The following ADCY2 variants were observed in gnomAD, a reference collection of about 807,000 sequenced individuals.
ADCY2 encodes the protein adenylate cyclase 2.
In ADCY2, 31 loss-of-function variants were observed where a neutral mutation model predicts 125.2. The observed-to-expected ratio is 0.25, with a 90% CI of 0.19 to 0.33. The LOEUF (loss-of-function observed/expected upper bound fraction) is 0.33. Among genes scored for constraint, ADCY2 ranks in the 10% least tolerant of loss-of-function variants. The probability of loss-of-function intolerance (pLI) is 1.00; values close to 1 mark genes in which losing one functional copy is unlikely to be tolerated. For missense variants in ADCY2, 904 were observed against 1,418.2 expected (o/e 0.64, Z 5.82); for synonymous variants, 512 against 548.4 (o/e 0.93, Z 0.93).
In ADCY2 at chr5:7,520,358, C is replaced by T. The variant is rs541814829; in HGVS notation, c.409-380C>T. On this transcript the variant is annotated intron_variant, in intron 2 of 24. Coordinates refer to ENST00000338316, the MANE Select transcript of ADCY2 (RefSeq NM_020546.3). ...TCTCCACCCTGTCCACCCCCGTCCCCGATGATGCCTGTCCCTCCTCTGTGG... is the reference window on the plus strand; with the variant it reads ...TCTCCACCCTGTCCACCCCCGTCCCTGATGATGCCTGTCCCTCCTCTGTGG... Among the ~76,000 whole-genome samples the T allele has an allele frequency of 7.2e-5, 11 of 152,260 alleles. 1 individual carries two copies. The East Asian group carries it at 9.7e-4, about 13-fold the overall frequency.
chr5:7,399,072 C>G (rs998650913), intron 1 of ADCY2, among the ~76,000 whole-genome samples: 23 of 152,338 alleles, frequency 1.5e-4, no homozygotes, highest in African/African-American at 4.8e-4. Flanking sequence ...CTTTGGGACC[C>G]TGCCAAGGTT....
chr5:7,713,473 G>A (rs1362347828), intron 11 of ADCY2, among the ~76,000 whole-genome samples: 1 of 149,174 alleles, frequency 6.7e-6, no homozygotes, highest in Non-Finnish European at 1.5e-5. Flanking sequence ...TAGCCTGGTC[G>A]ACAGAGTGAA....
chr5:7,443,556 C>T (rs909743336), intron 2 of ADCY2, among the ~76,000 whole-genome samples: 5 of 131,088 alleles, frequency 3.8e-5, no homozygotes, highest in African/African-American at 1.2e-4. Context: ...AGGAGAATGG[C>T]GTGAACCCAG....
chr5:7,425,476 C>T (rs1309407555), intron 2 of ADCY2, among the ~76,000 whole-genome samples: 1 of 152,210 alleles, frequency 6.6e-6, no homozygotes, highest in African/African-American at 2.4e-5. Flanking sequence ...TATATGTACC[C>T]ATGCAGGCAT....
At chr5:7,445,539 T>C (rs1252547001) in intron 2 of ADCY2, among the ~76,000 whole-genome samples, 1 of 152,222 alleles carries the variant, frequency 6.6e-6, no homozygotes, top group Non-Finnish European at 1.5e-5. Flanking sequence ...GATGTTTTTA[T>C]GGGGATTGCA....
chr5:7,823,993 C>T (rs955316250), intron 24 of ADCY2, among the ~76,000 whole-genome samples: 1 of 152,128 alleles, frequency 6.6e-6, no homozygotes, highest in African/African-American at 2.4e-5. Flanking sequence ...GTTTGTAGAC[C>T]TGTGTTTGCT....
intron 22 of ADCY2, among the ~76,000 whole-genome samples, chr5:7,812,117 C>A (rs1744962600): frequency 6.6e-6 from 1 of 152,160 alleles, no homozygotes; most frequent in Admixed American, 6.5e-5. Flanking sequence ...GAGACCGTCC[C>A]TGCCAGTGTC....
intron 2 of ADCY2, among the ~76,000 whole-genome samples, chr5:7,421,981 CAG>C (rs1223106022): frequency 2.6e-5 from 4 of 152,098 alleles, no homozygotes; most frequent in African/African-American, 7.2e-5. Flanking sequence ...TGTAAATAAA[CAG>C]AGTGCTGTCA....
chr5:7,396,423 C>T lies in ADCY2; in HGVS notation c.127C>T (p.Gln43Ter). Residue 43 changes from glutamine (Q) to a stop codon, truncating the protein, a stop_gained, in exon 1 of 25, where the codon CAG becomes TAG. Transcript: ENST00000338316. LOFTEE classifies it high-confidence loss of function. The surrounding 1 kb of genome is among the most constrained non-coding windows in gnomAD (Gnocchi z 5.7). ...CGAGTCCTACTACTGCATGAGCCAG[C>T]AGCACCCGCTCATCGTCTTCCTGCT... ...LYESYYCMSQ[Q>*]HPLIVFLLLI... 1.3e-6 allele frequency: 2 copies of T among 1,580,874 alleles called. No homozygotes were observed. Among genetic ancestry groups the T allele is most frequent in the African/African-American group, 1.4e-5 (1 of 72,098 alleles).
chr5:7,445,633 A>G (rs1214377437), intron 2 of ADCY2, among the ~76,000 whole-genome samples: 1 of 152,248 alleles, frequency 6.6e-6, no homozygotes, highest in Non-Finnish European at 1.5e-5. Flanking sequence ...ATGCATGTCT[A>G]CATGAATCAT....
intron 2 of ADCY2, among the ~76,000 whole-genome samples, chr5:7,505,022 C>T (rs372321718): frequency 4.0e-5 from 6 of 151,848 alleles, no homozygotes; most frequent in African/African-American, 1.4e-4. Flanking sequence ...GGACCACAGG[C>T]GCACACCACC....
In ADCY2 at chr5:7,468,047, G is replaced by A. The variant is rs115475079; in HGVS notation, c.409-52691G>A. ...TTAAATATTATAAAAATATCCATGC[G>A]TGATCTGTGTGTGGTATTGATTATA... is the stretch of plus-strand genomic sequence containing the variant. On this transcript the variant is annotated intron_variant, in intron 2 of 24. Transcript: ENST00000338316. Among the ~76,000 whole-genome samples the A allele has an allele frequency of 2.0e-3, 308 of 152,312 alleles. 2 individuals are homozygous for A. The highest frequency in any genetic ancestry group is 6.4e-3 in the African/African-American group (267 of 41,570).
intron 14 of ADCY2, among the ~76,000 whole-genome samples, chr5:7,734,061 T>C (rs935526958): frequency 6.6e-6 from 1 of 152,224 alleles, no homozygotes; most frequent in Non-Finnish European, 1.5e-5. Flanking sequence ...GGAATTTTTA[T>C]TTCATGCTAA....
At chr5:7,468,037 A>G (rs1742189797) in intron 2 of ADCY2, among the ~76,000 whole-genome samples, 1 of 152,248 alleles carries the variant, frequency 6.6e-6, no homozygotes, top group Non-Finnish European at 1.5e-5. Context: ...TATTATAAAA[A>G]TATCCATGCG....
At chr5:7,422,553 C>T (rs1054591013) in intron 2 of ADCY2, among the ~76,000 whole-genome samples, 1 of 152,304 alleles carries the variant, frequency 6.6e-6, no homozygotes, top group Middle Eastern at 3.4e-3. Flanking sequence ...CTGCATTTCT[C>T]TTGTACTAAA....
At position 7,396,563 on chromosome 5, in the gene ADCY2, C is replaced by G. The variant is rs1355448846; in HGVS notation, c.210+57C>G. On this transcript the variant is annotated intron_variant, in intron 1 of 24. Transcript: ENST00000338316. This position sits in a 1 kb window ranked among gnomAD's most constrained non-coding sequence, Gnocchi z 5.7. Reference sequence around the variant, plus strand: ...GCCTTCCCCGGCCCTGAGAGGAGCCCGGCCAGCCGAGCCGCGTCCCGCTCC... The same window carrying G: ...GCCTTCCCCGGCCCTGAGAGGAGCCGGGCCAGCCGAGCCGCGTCCCGCTCC... The G allele has an allele frequency of 1.5e-5, 22 of 1,449,484 alleles. No homozygotes were observed. The highest frequency in any genetic ancestry group is 1.9e-5 in the Non-Finnish European group (21 of 1,097,500). 89.8% of individuals were successfully genotyped at this position (1,449,484 alleles called of 1,614,324 possible). A position where few individuals can be genotyped will look rare whatever the true frequency, so the allele number is the denominator to read the frequency against.
intron 15 of ADCY2, among the ~76,000 whole-genome samples, chr5:7,750,254 A>G (rs553926199): frequency 2.0e-5 from 3 of 152,072 alleles, no homozygotes; most frequent in Admixed American, 6.6e-5. Flanking sequence ...CTTGGAACTT[A>G]TATACTCTAG....
At chr5:7,823,718 C>T (rs1745374266) in intron 24 of ADCY2, among the ~76,000 whole-genome samples, 2 of 152,182 alleles carry the variant, frequency 1.3e-5, no homozygotes, top group Admixed American at 6.5e-5. Context: ...CTTTCTAGAT[C>T]CCCTAGCAGC....
At chr5:7,768,760 T>C (rs1743470245) in intron 17 of ADCY2, among the ~76,000 whole-genome samples, 1 of 152,136 alleles carries the variant, frequency 6.6e-6, no homozygotes, top group Non-Finnish European at 1.5e-5. Context: ...CACAATAGGG[T>C]CTCTCAAATC....
Sources: gnomAD v4.1 joint callset for allele counts (sites outside exome capture counted in the v4.1 genomes callset) on GRCh38, gnomAD v4.1.1 for gene constraint, Gnocchi (gnomAD v3.1) non-coding constraint, MANE v1.5 for transcripts, NCBI Gene and HGNC (gene_info 2026-07-23, HGNC 2026-07-21) for gene names.